The following PAFAH1B2 variants were observed in gnomAD, a reference collection of about 807,000 sequenced individuals.
PAFAH1B2 encodes the protein platelet activating factor acetylhydrolase 1b catalytic subunit 2.
In PAFAH1B2, 8 loss-of-function variants were observed where a neutral mutation model predicts 28.0. That is an observed-to-expected ratio of 0.29 (90% CI 0.17 to 0.52). The LOEUF (loss-of-function observed/expected upper bound fraction) is 0.52. PAFAH1B2 is among the 20% of genes least tolerant of loss of function. The probability of loss-of-function intolerance (pLI) is 0.97; values close to 1 mark genes in which losing one functional copy is unlikely to be tolerated. For synonymous variants in PAFAH1B2, 104 were observed against 103.2 expected (o/e 1.01, Z -0.05); for missense variants, 190 against 282.6 (o/e 0.67, Z 2.35).
chr11:117,144,599 C>T (rs1027345538), intron 1 of PAFAH1B2, among the ~76,000 whole-genome samples, 181 bp downstream of exon 1: 4 of 152,062 alleles, frequency 2.6e-5, no homozygotes, highest in East Asian at 3.9e-4. Context: ...GCGGGCCCAG[C>T]GTCGGCTTCC....
At chr11:117,149,619 A>G (rs1185759291) in intron 1 of PAFAH1B2, among the ~76,000 whole-genome samples, 2 of 148,454 alleles carry the variant, frequency 1.3e-5, no homozygotes, top group African/African-American at 2.5e-5. Context: ...TTTTTAGTAG[A>G]TACGGGGTTT....
At chr11:117,172,224 T>C (rs1374673234), downstream of PAFAH1B2, among the ~76,000 whole-genome samples, 1 of 152,058 alleles carries the variant, frequency 6.6e-6, no homozygotes, top group East Asian at 1.9e-4. Context: ...AGATGAAATC[T>C]TAACCCAATG....
chr11:117,159,810 C>T (rs867379747), intron 2 of PAFAH1B2, 124 bp from the exon 3 acceptor site: 2 of 660,268 alleles, frequency 3.0e-6, no homozygotes, highest in Middle Eastern at 4.0e-4. Flanking sequence ...AGGCTGATCT[C>T]AAACTCCTGA....
At chr11:117,144,687 G>A (rs1480433420) in intron 1 of PAFAH1B2, among the ~76,000 whole-genome samples, 1 of 152,128 alleles carries the variant, frequency 6.6e-6, no homozygotes, top group Non-Finnish European at 1.5e-5. Flanking sequence ...TTTCTCCTCA[G>A]CCGCCGGCCG....
At chr11:117,148,015 AG>A (rs1288718087) in intron 1 of PAFAH1B2, among the ~76,000 whole-genome samples, 1 of 151,726 alleles carries the variant, frequency 6.6e-6, no homozygotes, top group Admixed American at 6.6e-5. Context: ...GAAACAACTT[AG>A]TAAATTAGAA....
In PAFAH1B2 at chr11:117,170,626, T is replaced by TAA. The variant is rs150627380; in HGVS notation, c.*2947_*2948dup. On this transcript the variant is annotated 3_prime_UTR_variant, in exon 6 of 6. Transcript: ENST00000527958. ...CCGGCTCTTAGGAATTTTGTCTGTT[T>TAA]AAAAAAAAAAAAAAAAAAAAAGTCC... 911 of 942,276 alleles carry TAA rather than the reference T, an allele frequency of 9.7e-4. No homozygotes were observed. Among genetic ancestry groups the TAA allele is most frequent in the East Asian group, 3.8e-3 (55 of 14,334 alleles). The allele number at this position is 942,276 out of a possible 1,614,324, so 58.4% of individuals were successfully genotyped here. A position where few individuals can be genotyped will look rare whatever the true frequency, so the allele number is the denominator to read the frequency against.
intron 1 of PAFAH1B2, among the ~76,000 whole-genome samples, chr11:117,146,752 G>C (rs1006832726): frequency 6.6e-6 from 1 of 150,944 alleles, no homozygotes; most frequent in Non-Finnish European, 1.5e-5. Context: ...TGTAATTCCA[G>C]CACTTTGGGA....
chr11:117,149,195 C>T (rs1319942446), intron 1 of PAFAH1B2, among the ~76,000 whole-genome samples: 4 of 151,312 alleles, frequency 2.6e-5, no homozygotes, highest in Non-Finnish European at 4.4e-5. Context: ...AGCAATCCTC[C>T]TGACTCAGCT....
chr11:117,146,961 A>G (rs1338982998), intron 1 of PAFAH1B2, among the ~76,000 whole-genome samples: 1 of 151,198 alleles, frequency 6.6e-6, no homozygotes, highest in African/African-American at 2.4e-5. Context: ...GTGAAGCCCT[A>G]TCTCAAAAAA....
chr11:117,174,205 T>TGTGTGTGTGTGG (rs1491369777), downstream of PAFAH1B2, among the ~76,000 whole-genome samples: 1 of 147,456 alleles, frequency 6.8e-6, no homozygotes, highest in Non-Finnish European at 1.5e-5. Flanking sequence ...TGTGTGTGTG[T>TGTGTGTGTGTGG]GGCAGTTTCA....
intron 2 of PAFAH1B2, 186 bp from the exon 3 acceptor site, chr11:117,159,748 A>AAG: frequency 1.9e-6 from 1 of 527,166 alleles, no homozygotes; most frequent in Non-Finnish European, 3.4e-6. Flanking sequence ...AAAAAAAAAA[A>AAG]AAAGAAAGAA....
intron 4 of PAFAH1B2, 99 bp from the exon 5 acceptor site, chr11:117,163,671 T>A (rs2134205249): frequency 1.3e-6 from 1 of 749,926 alleles, no homozygotes; most frequent in East Asian, 3.0e-5. Context: ...AGACCCCATC[T>A]CAAAAAAAAA....
Position 117,169,407 on chromosome 11 carries a change from A to C in PAFAH1B2, c.*1708A>C, listed in dbSNP as rs1200326929. ...CAGGTGGGTATTGAAGTAACCCATC[A>C]AAATATGCTCTGCAGTGATTCCGCT... On this transcript the variant is annotated 3_prime_UTR_variant, in exon 6 of 6. Transcript: ENST00000527958. 6 of 1,052,546 alleles carry C rather than the reference A, an allele frequency of 5.7e-6. No homozygotes were observed. The East Asian group carries it at 2.7e-4, about 47-fold the overall frequency. The allele number at this position is 1,052,546 out of a possible 1,614,324, so 65.2% of individuals were successfully genotyped here. A position where few individuals can be genotyped will look rare whatever the true frequency, so the allele number is the denominator to read the frequency against.
intron 2 of PAFAH1B2, among the ~76,000 whole-genome samples, chr11:117,158,042 G>T (rs1228628042): frequency 5.3e-5 from 8 of 152,088 alleles, no homozygotes; most frequent in Admixed American, 5.2e-4. Context: ...GGAGGCTGAG[G>T]CACAAAAATT....
rs543629093 is a variant in PAFAH1B2, at chr11:117,149,479, T to C, written c.-7-2962T>C. ...TCTCGCTCTGTCCCCCAGGCTGGAGTGCAGTGGCACGATCTCGGCTTACTG... is the reference window on the plus strand; with the variant it reads ...TCTCGCTCTGTCCCCCAGGCTGGAGCGCAGTGGCACGATCTCGGCTTACTG... On this transcript the variant is annotated intron_variant, in intron 1 of 5. Transcript: ENST00000527958. Among the ~76,000 whole-genome samples the C allele has an allele frequency of 4.5e-3, 546 of 120,478 alleles. 4 individuals carry two copies. Among genetic ancestry groups the C allele is most frequent in the African/African-American group, 0.016 (526 of 31,922 alleles). 79.0% of individuals were successfully genotyped at this position (120,478 alleles called of 152,430 possible).
chr11:117,158,904 C>G (rs192307041), intron 2 of PAFAH1B2, among the ~76,000 whole-genome samples: 7 of 152,240 alleles, frequency 4.6e-5, no homozygotes, highest in African/African-American at 1.7e-4. Context: ...CCTGGCCTCC[C>G]AAAGTGCTGG....
intron 1 of PAFAH1B2, among the ~76,000 whole-genome samples, chr11:117,146,313 G>T (rs1427809292): frequency 6.6e-6 from 1 of 151,514 alleles, no homozygotes. Context: ...GGCAGGTCTT[G>T]AACTCCCGAC....
At chr11:117,173,837 T>C (rs1166320739), downstream of PAFAH1B2, among the ~76,000 whole-genome samples, 1 of 152,222 alleles carries the variant, frequency 6.6e-6, no homozygotes, top group Non-Finnish European at 1.5e-5. Context: ...ACTTGTATGA[T>C]GGAAAGAAGT....
At chr11:117,159,878 A>G (rs990553714) in intron 2 of PAFAH1B2, 56 bp from the exon 3 acceptor site, 1 of 1,300,370 alleles carries the variant, frequency 7.7e-7, no homozygotes, top group African/African-American at 1.5e-5. Flanking sequence ...AGCATGGGCC[A>G]CCACACCCAG....
Sources: gnomAD v4.1 joint callset for allele counts (sites outside exome capture counted in the v4.1 genomes callset) on GRCh38, gnomAD v4.1.1 for gene constraint, MANE v1.5 for transcripts, NCBI Gene and HGNC (gene_info 2026-07-23, HGNC 2026-07-21) for gene names.